The following PDPK1 variants were observed in gnomAD, a reference collection of about 807,000 sequenced individuals.
PDPK1 encodes 3-phosphoinositide dependent protein kinase 1.
A neutral mutation model predicts 39.8 loss-of-function variants in PDPK1; 7 were observed. That is an observed-to-expected ratio of 0.18 (90% CI 0.10 to 0.33). PDPK1 has a LOEUF of 0.33. Ranked by LOEUF, PDPK1 falls within the 10% of genes least tolerant of loss-of-function variation. The pLI is 1.00. For missense variants in PDPK1, 182 were observed against 384.7 expected (o/e 0.47, Z 4.41); for synonymous variants, 118 against 159.1 (o/e 0.74, Z 1.95).
At chr16:2,585,320 G>T (rs2066844944) in intron 10 of PDPK1, among the ~76,000 whole-genome samples, 1 of 152,202 alleles carries the variant, frequency 6.6e-6, no homozygotes, top group Non-Finnish European at 1.5e-5. Context: ...TGAAAGCCTT[G>T]GAGTGGGTCC....
At chr16:2,586,552 TCGCCTTG>T (rs1336221168) in intron 10 of PDPK1, 117 bp from the exon 11 acceptor site, 2 of 749,692 alleles carry the variant, frequency 2.7e-6, no homozygotes, top group African/African-American at 1.7e-5. Context: ...GCCCACCCTG[TCGCCTTG>T]CGCCTTGCTG....
intron 10 of PDPK1, among the ~76,000 whole-genome samples, chr16:2,586,369 T>C (rs2066874774): frequency 6.6e-6 from 1 of 152,206 alleles, no homozygotes; most frequent in Non-Finnish European, 1.5e-5. Context: ...GGGGCAGCAC[T>C]GGCATTCACG....
chr16:2,552,472 G>T (rs1290381253), intron 1 of PDPK1, among the ~76,000 whole-genome samples: 1 of 151,624 alleles, frequency 6.6e-6, no homozygotes. Context: ...TGTGGTTGGG[G>T]GCTCGGGCTG....
rs980738826 is a variant in PDPK1 at position 2,593,321 on chromosome 16, T to C, written c.1344-2472T>C. On this transcript the variant is annotated intron_variant, in intron 11 of 13. Transcript: ENST00000342085. The surrounding 1 kb of genome is among the most constrained non-coding windows in gnomAD (Gnocchi z 4.2). ...GCCTCTCGTGGCACTGTGAATTTGCTGTGGGGTGCAGCTGATGGCCCATGG... is the reference window on the plus strand; with the variant it reads ...GCCTCTCGTGGCACTGTGAATTTGCCGTGGGGTGCAGCTGATGGCCCATGG... 4 of 349,898 alleles carry C rather than the reference T, an allele frequency of 1.1e-5. No homozygotes were observed. The highest frequency in any genetic ancestry group is 8.7e-5 in the South Asian group (4 of 45,758). The allele number at this position is 349,898 out of a possible 1,614,324, so 21.7% of individuals were successfully genotyped here.
In PDPK1 at chr16:2,538,152, C is replaced by T. The variant is rs2066171399; in HGVS notation, c.24+16C>T. ...CAGCCAGCTGGTGAGCGCGCGGCGG[C>T]GGACTGGACGCGCCGGTTTGTTACC... On this transcript the variant is annotated intron_variant, in intron 1 of 13. Transcript: ENST00000342085. The T allele has an allele frequency of 9.5e-7, 1 of 1,055,662 alleles. No homozygotes were observed. Among genetic ancestry groups the T allele is most frequent in the Non-Finnish European group, 1.1e-6 (1 of 874,638 alleles). 65.4% of individuals were successfully genotyped at this position (1,055,662 alleles called of 1,614,324 possible).
At chr16:2,596,849 G>A (rs1189636997) in intron 12 of PDPK1, among the ~76,000 whole-genome samples, 3 of 152,120 alleles carry the variant, frequency 2.0e-5, no homozygotes, top group African/African-American at 7.2e-5. Flanking sequence ...GCAGGCTTCT[G>A]TCCCAGGCAG....
rs896701150 is a variant in PDPK1, at chr16:2,597,419, C to G, written c.1554+144C>G. 1.9e-4 allele frequency: 149 copies of G among 798,092 alleles called. 1 individual carries two copies. Among genetic ancestry groups the G allele is most frequent in the African/African-American group, 1.7e-3 (99 of 58,380 alleles). 49.4% of individuals were successfully genotyped at this position (798,092 alleles called of 1,614,324 possible). On this transcript the variant is annotated intron_variant, in intron 13 of 13. Coordinates refer to ENST00000342085, the MANE Select transcript of PDPK1 (RefSeq NM_002613.5). This position sits in a 1 kb window ranked among gnomAD's most constrained non-coding sequence, Gnocchi z 6.3. ...CTTTCCGACATCCCAGACGCCCACACTAGTGGCTCAGTCCTGAGGGGGCAG... is the reference window on the plus strand; with the variant it reads ...CTTTCCGACATCCCAGACGCCCACAGTAGTGGCTCAGTCCTGAGGGGGCAG...
chr16:2,588,734 G>C (rs773418902), intron 11 of PDPK1, among the ~76,000 whole-genome samples: 23 of 152,262 alleles, frequency 1.5e-4, no homozygotes, highest in Non-Finnish European at 2.4e-4. Flanking sequence ...GCTGCTGGGA[G>C]GTCTGTCCAG....
intron 11 of PDPK1, among the ~76,000 whole-genome samples, chr16:2,589,566 T>C (rs1386924428): frequency 6.6e-6 from 1 of 151,958 alleles, no homozygotes; most frequent in Non-Finnish European, 1.5e-5. Context: ...TGCACACCTG[T>C]AGTCCTAGCT....
At chr16:2,540,048 T>C (rs1028531921) in intron 1 of PDPK1, among the ~76,000 whole-genome samples, 3 of 152,178 alleles carry the variant, frequency 2.0e-5, no homozygotes, top group African/African-American at 7.2e-5. Context: ...GATTCCCCCA[T>C]GTGTACGTAT....
At chr16:2,588,492 G>C (rs1322079197) in intron 11 of PDPK1, among the ~76,000 whole-genome samples, 1 of 152,186 alleles carries the variant, frequency 6.6e-6, no homozygotes, top group Non-Finnish European at 1.5e-5. Flanking sequence ...AGGTGTGTGT[G>C]TGTTTCAGCT....
At chr16:2,545,639 C>T (rs546868808) in intron 1 of PDPK1, among the ~76,000 whole-genome samples, 21 of 152,150 alleles carry the variant, frequency 1.4e-4, no homozygotes, top group Non-Finnish European at 2.5e-4. Context: ...GGATTACAGG[C>T]GCCCACCGCC....
At position 2,597,311 on chromosome 16, in the gene PDPK1, A is replaced by T. The variant is rs1398523148; in HGVS notation, c.1554+36A>T. ...TCCCAGGGATTTCTGTGTGCAGGGT[A>T]ATGGGAGGGCTTTGCACCACGTGGG... On this transcript the variant is annotated intron_variant, in intron 13 of 13. Transcript: ENST00000342085. The surrounding 1 kb of genome is among the most constrained non-coding windows in gnomAD (Gnocchi z 6.3). 7 of 1,541,534 alleles carry T rather than the reference A, an allele frequency of 4.5e-6. No individual in the cohort carries two copies. In the African/African-American group the frequency reaches 9.6e-5, roughly 21 times the overall value.
At chr16:2,595,576 T>A (rs2067084097) in intron 11 of PDPK1, among the ~76,000 whole-genome samples, 1 of 152,214 alleles carries the variant, frequency 6.6e-6, no homozygotes, top group Non-Finnish European at 1.5e-5. Context: ...GTGTCTGGTA[T>A]CTGCAGGCTC....
chr16:2,589,730 T>A (rs370109266), intron 11 of PDPK1, among the ~76,000 whole-genome samples: 1 of 151,938 alleles, frequency 6.6e-6, no homozygotes, highest in Non-Finnish European at 1.5e-5. Flanking sequence ...AAGGAATTTT[T>A]AAATTTACAT....
At chr16:2,591,157 T>A (rs953259762) in intron 11 of PDPK1, among the ~76,000 whole-genome samples, 1 of 152,048 alleles carries the variant, frequency 6.6e-6, no homozygotes, top group Non-Finnish European at 1.5e-5. Flanking sequence ...GAGACGTGGT[T>A]TCACCATATT....
intron 1 of PDPK1, among the ~76,000 whole-genome samples, chr16:2,541,466 G>C (rs2066243594): frequency 6.6e-6 from 1 of 152,184 alleles, no homozygotes; most frequent in African/African-American, 2.4e-5. Context: ...GGGCACTGGC[G>C]TGGCACTTTC....
intron 11 of PDPK1, among the ~76,000 whole-genome samples, chr16:2,587,611 C>T (rs1472257316): frequency 6.6e-6 from 1 of 152,148 alleles, no homozygotes; most frequent in East Asian, 1.9e-4. Flanking sequence ...TGGGTTCAAG[C>T]AATTCTCCTG....
At chr16:2,589,653 C>T (rs1480977213) in intron 11 of PDPK1, among the ~76,000 whole-genome samples, 3 of 150,610 alleles carry the variant, frequency 2.0e-5, no homozygotes, top group African/African-American at 4.9e-5. Context: ...CTTGCCACTG[C>T]CCCCCAGCCT....
Sources: allele counts gnomAD v4.1 joint callset (sites outside exome capture counted in the v4.1 genomes callset), GRCh38; gene constraint gnomAD v4.1.1; non-coding constraint Gnocchi (gnomAD v3.1); transcripts MANE v1.5; gene names NCBI Gene and HGNC (gene_info 2026-07-23, HGNC 2026-07-21).